Variants in CATSPER3 observed in about 807,000 individuals in gnomAD.
The protein encoded by CATSPER3 is cation channel sperm associated 3.
CATSPER3 carries 23 observed loss-of-function variants against 36.6 expected under a neutral mutation model. That is an observed-to-expected ratio of 0.63 (90% CI 0.45 to 0.89). The LOEUF (loss-of-function observed/expected upper bound fraction) is 0.89. CATSPER3 is among the 40% of genes least tolerant of loss of function. The pLI, the probability that CATSPER3 is intolerant of heterozygous loss-of-function variation, is 0.00. For synonymous variants in CATSPER3, 172 were observed against 184.1 expected (o/e 0.93, Z 0.53); for missense variants, 474 against 503.9 (o/e 0.94, Z 0.57).
At chr5:134,970,980 C>T (rs946202515) in intron 2 of CATSPER3, among the ~76,000 whole-genome samples, 13 of 151,882 alleles carry the variant, frequency 8.6e-5, no homozygotes, top group Admixed American at 4.6e-4. Context: ...GACGAAGTCT[C>T]GCTCTGTCAC....
intron 2 of CATSPER3, among the ~76,000 whole-genome samples, chr5:134,978,882 G>T (rs551520665): frequency 5.6e-4 from 85 of 152,054 alleles, no homozygotes; most frequent in Non-Finnish European, 1.0e-3. Context: ...GCCATGCCCG[G>T]CTAATTTATT....
chr5:135,000,976 G>T (rs1752012921), intron 3 of CATSPER3, among the ~76,000 whole-genome samples: 1 of 152,034 alleles, frequency 6.6e-6, no homozygotes, highest in South Asian at 2.1e-4. Context: ...GCTTTTGAAT[G>T]TGTTTGCTCT....
At chr5:134,997,456 G>A (rs1251966846) in intron 3 of CATSPER3, among the ~76,000 whole-genome samples, 1 of 152,176 alleles carries the variant, frequency 6.6e-6, no homozygotes, top group Non-Finnish European at 1.5e-5. Context: ...TCTGGGGAAA[G>A]GTGTCTGTAC....
At chr5:134,970,219 G>A in intron 2 of CATSPER3, 127 bp downstream of exon 2, 2 of 893,312 alleles carry the variant, frequency 2.2e-6, no homozygotes, top group Non-Finnish European at 3.6e-6. Context: ...GCAGTGGCGT[G>A]ATCTCAGCTC....
chr5:135,009,949 A>T (rs1561465843), intron 6 of CATSPER3, among the ~76,000 whole-genome samples: 1 of 152,236 alleles, frequency 6.6e-6, no homozygotes. Context: ...TCTGTCAAGC[A>T]TGATGCAACC....
At chr5:134,998,392 G>A (rs1415637379) in intron 3 of CATSPER3, among the ~76,000 whole-genome samples, 1 of 152,206 alleles carries the variant, frequency 6.6e-6, no homozygotes, top group African/African-American at 2.4e-5. Flanking sequence ...ATGTGCATGT[G>A]TCTTTATAGC....
intron 3 of CATSPER3, among the ~76,000 whole-genome samples, chr5:135,004,800 C>G (rs138469814): frequency 6.6e-6 from 1 of 152,194 alleles, no homozygotes; most frequent in Non-Finnish European, 1.5e-5. Flanking sequence ...TGGCCCTGCC[C>G]AAAAGCAGGG....
intron 1 of CATSPER3, chr5:134,969,665 A>G (rs1580900275): frequency 4.3e-6 from 2 of 468,738 alleles, no homozygotes; most frequent in East Asian, 8.2e-5. Flanking sequence ...AATGAAGATG[A>G]CACTTTGTTT....
chr5:135,010,565 G>C (rs1752169009), intron 7 of CATSPER3, 35 bp downstream of exon 7: 1 of 1,606,676 alleles, frequency 6.2e-7, no homozygotes, highest in African/African-American at 1.3e-5. Context: ...TGGTCCCTAG[G>C]GCTTCCTCGA....
intron 2 of CATSPER3, among the ~76,000 whole-genome samples, chr5:134,988,963 A>G (rs1751847550): frequency 1.3e-5 from 2 of 151,880 alleles, no homozygotes; most frequent in African/African-American, 4.8e-5. Context: ...AGTTGAAATG[A>G]CTCCTTGATC....
intron 3 of CATSPER3, among the ~76,000 whole-genome samples, chr5:135,006,698 C>T (rs975918838): frequency 6.6e-5 from 10 of 151,896 alleles, no homozygotes; most frequent in Non-Finnish European, 1.3e-4. Context: ...ATTAGCCGGG[C>T]GCAGTGGCGG....
chr5:135,003,967 C>G (rs919239297), intron 3 of CATSPER3, among the ~76,000 whole-genome samples: 2 of 152,338 alleles, frequency 1.3e-5, no homozygotes, highest in East Asian at 1.9e-4. Flanking sequence ...GTCCTGCACC[C>G]GCTGTCCGAC....
intron 2 of CATSPER3, among the ~76,000 whole-genome samples, chr5:134,981,768 A>T (rs1298246428): frequency 1.3e-5 from 2 of 152,228 alleles, no homozygotes; most frequent in African/African-American, 4.8e-5. Flanking sequence ...TCTGACTTAT[A>T]CAATGAACAG....
intron 2 of CATSPER3, among the ~76,000 whole-genome samples, chr5:134,970,779 C>CAAGATGGTCTTGCCATGTTGG (rs1751595179): frequency 1.3e-5 from 2 of 151,930 alleles, no homozygotes; most frequent in African/African-American, 4.8e-5. Context: ...GCCATGTTGG[C>CAAGATGGTCTTGCCATGTTGG]CAGGATGGTC....
At chr5:134,998,451 G>T (rs1224567212) in intron 3 of CATSPER3, among the ~76,000 whole-genome samples, 62 of 144,412 alleles carry the variant, frequency 4.3e-4, no homozygotes, top group African/African-American at 7.9e-4. Flanking sequence ...GGGATGGCTG[G>T]GTCAAATGGT....
intron 2 of CATSPER3, among the ~76,000 whole-genome samples, chr5:134,994,194 T>G (rs1330129671): frequency 6.6e-6 from 1 of 152,186 alleles, no homozygotes; most frequent in Admixed American, 6.6e-5. Context: ...TTGTAACACA[T>G]ATAACAGGCA....
chr5:134,979,247 C>T (rs1417552628), intron 2 of CATSPER3, among the ~76,000 whole-genome samples: 1 of 152,136 alleles, frequency 6.6e-6, no homozygotes, highest in Non-Finnish European at 1.5e-5. Flanking sequence ...AGCAATCCTC[C>T]CACCTCAGCC....
intron 7 of CATSPER3, among the ~76,000 whole-genome samples, chr5:135,011,232 CT>C (rs1372708502): frequency 6.6e-6 from 1 of 152,242 alleles, no homozygotes. Flanking sequence ...GGAATGCCCA[CT>C]TTTGGCCCAG....
At chr5:134,997,072 GC>G (rs576839204) in intron 3 of CATSPER3, among the ~76,000 whole-genome samples, 164 of 152,338 alleles carry the variant, frequency 1.1e-3, no homozygotes, top group African/African-American at 3.8e-3. Flanking sequence ...CCTCAGGGCT[GC>G]CCCCCTGCCT....
Sources: gnomAD v4.1 joint callset for allele counts (sites outside exome capture counted in the v4.1 genomes callset) on GRCh38, gnomAD v4.1.1 for gene constraint, MANE v1.5 for transcripts, NCBI Gene and HGNC (gene_info 2026-07-23, HGNC 2026-07-21) for gene names.